Variants in BOC observed in about 807,000 individuals in gnomAD.
BOC encodes the protein BOC cell adhesion associated, oncogene regulated, also known as brother of CDO.
A neutral mutation model predicts 112.0 loss-of-function variants in BOC; 76 were observed. The observed-to-expected ratio is 0.68, with a 90% CI of 0.56 to 0.82. The LOEUF (loss-of-function observed/expected upper bound fraction) is 0.82. Ranked by LOEUF, BOC falls within the 40% of genes least tolerant of loss-of-function variation. BOC has a pLI of 0.00. For synonymous variants in BOC, 580 were observed against 599.8 expected (o/e 0.97, Z 0.48); for missense variants, 1,309 against 1,511.7 (o/e 0.87, Z 2.22).
chr3:113,240,186 G>A (rs545234280), intron 2 of BOC, among the ~76,000 whole-genome samples: 1 of 152,184 alleles, frequency 6.6e-6, no homozygotes, highest in Non-Finnish European at 1.5e-5. Flanking sequence ...GGAAACTAGA[G>A]ATTGATGATG....
At chr3:113,273,479 T>A in intron 8 of BOC, 138 bp downstream of exon 8, 1 of 954,640 alleles carries the variant, frequency 1.0e-6, no homozygotes, top group Non-Finnish European at 1.5e-6. Context: ...TATATGAACT[T>A]AATAAATCTG....
At chr3:113,223,594 C>T (rs140411522) in intron 2 of BOC, among the ~76,000 whole-genome samples, 3,949 of 152,254 alleles carry the variant, frequency 0.026, 82 homozygotes, top group Admixed American at 0.039. Context: ...ATCCCTTGTG[C>T]GCCACCTATT....
intron 5 of BOC, among the ~76,000 whole-genome samples, chr3:113,268,769 G>T (rs1408537507): frequency 6.6e-6 from 1 of 152,128 alleles, no homozygotes; most frequent in Non-Finnish European, 1.5e-5. Context: ...ACCATGCTTG[G>T]CTAACTTTAA....
At chr3:113,245,522 TA>T (rs1015928282) in intron 2 of BOC, among the ~76,000 whole-genome samples, 6 of 152,224 alleles carry the variant, frequency 3.9e-5, no homozygotes, top group African/African-American at 1.4e-4. Flanking sequence ...TTTCTTGAGA[TA>T]GGGGGCTGCC....
chr3:113,229,426 TTAGGGCCATCCTA>T (rs1405493157), intron 2 of BOC, among the ~76,000 whole-genome samples: 1 of 152,214 alleles, frequency 6.6e-6, no homozygotes, highest in African/African-American at 2.4e-5. Context: ...AGCATCTACC[TTAGGGCCATCCTA>T]TCCCTGCCCC....
At chr3:113,270,978 G>A in intron 6 of BOC, 34 bp downstream of exon 6, 1 of 1,613,522 alleles carries the variant, frequency 6.2e-7, no homozygotes, top group South Asian at 1.1e-5. Flanking sequence ...GGGGATGGGG[G>A]ATCACTGATG....
At chr3:113,218,016 A>G (rs1939798576) in intron 2 of BOC, among the ~76,000 whole-genome samples, 1 of 152,212 alleles carries the variant, frequency 6.6e-6, no homozygotes, top group African/African-American at 2.4e-5. Context: ...GTGGCTCTGA[A>G]ATCATTCCCA....
chr3:113,239,628 C>T (rs1944027261), intron 2 of BOC, among the ~76,000 whole-genome samples: 1 of 152,258 alleles, frequency 6.6e-6, no homozygotes, highest in Non-Finnish European at 1.5e-5. Flanking sequence ...TATATGCTTA[C>T]AGCCCACATG....
chr3:113,211,347 C>G (rs1196706360), upstream of BOC: 1 of 152,262 alleles, frequency 6.6e-6, no homozygotes, highest in Non-Finnish European at 1.5e-5. Flanking sequence ...GAGCGCGGGT[C>G]TGAGGCACAG....
intron 13 of BOC, among the ~76,000 whole-genome samples, 199 bp from the exon 14 acceptor site, chr3:113,280,359 C>A (rs1949077907): frequency 6.6e-6 from 1 of 152,100 alleles, no homozygotes; most frequent in African/African-American, 2.4e-5. Flanking sequence ...AGCTTAGGGA[C>A]CTCTAGGCTA....
At chr3:113,223,119 T>G (rs888554540) in intron 2 of BOC, among the ~76,000 whole-genome samples, 1 of 152,220 alleles carries the variant, frequency 6.6e-6, no homozygotes, top group African/African-American at 2.4e-5. Flanking sequence ...ATAAAGATCC[T>G]AAGAGGTCTT....
intron 2 of BOC, among the ~76,000 whole-genome samples, chr3:113,219,342 C>T (rs1940115869): frequency 6.6e-6 from 1 of 152,354 alleles, no homozygotes; most frequent in African/African-American, 2.4e-5. Context: ...GAGAATGTAA[C>T]TGCCATTTAA....
chr3:113,271,040 C>A, intron 6 of BOC, 96 bp downstream of exon 6: 2 of 1,551,028 alleles, frequency 1.3e-6, no homozygotes, highest in Non-Finnish European at 1.8e-6. Context: ...GTGCCACATC[C>A]AAGCTCCAGT....
At chr3:113,277,457 A>G (rs893963680) in intron 9 of BOC, among the ~76,000 whole-genome samples, 1 of 152,160 alleles carries the variant, frequency 6.6e-6, no homozygotes, top group Non-Finnish European at 1.5e-5. Context: ...TGCTCTTTGG[A>G]GTCAAGTCAC....
At chr3:113,261,608 G>T (rs543295290) in intron 4 of BOC, 10 of 152,078 alleles carry the variant, frequency 6.6e-5, no homozygotes, top group African/African-American at 2.4e-4. Flanking sequence ...CGCATTTCTC[G>T]TTCTCTTATG....
chr3:113,243,130 T>G (rs1052141137), intron 2 of BOC, among the ~76,000 whole-genome samples: 2 of 152,188 alleles, frequency 1.3e-5, no homozygotes, highest in African/African-American at 4.8e-5. Flanking sequence ...ATTTACAGAT[T>G]ATATTATTTA....
At chr3:113,213,720 C>G (rs550063100) in intron 1 of BOC, among the ~76,000 whole-genome samples, 2 of 152,170 alleles carry the variant, frequency 1.3e-5, no homozygotes, top group East Asian at 3.8e-4. Context: ...AGAAGCTTCT[C>G]GTGGTGATCT....
At chr3:113,262,143 G>GA (rs1162361583) in intron 4 of BOC, among the ~76,000 whole-genome samples, 1 of 152,116 alleles carries the variant, frequency 6.6e-6, no homozygotes, top group Non-Finnish European at 1.5e-5. Context: ...TGGACAGGCA[G>GA]AAAAAAATCC....
intron 4 of BOC, among the ~76,000 whole-genome samples, chr3:113,265,604 C>T (rs1287186477): frequency 2.0e-5 from 3 of 152,158 alleles, no homozygotes; most frequent in Admixed American, 6.5e-5. Flanking sequence ...ACAAAGTTAC[C>T]GATGTTTAGC....
Sources: gnomAD v4.1 joint callset for allele counts (sites outside exome capture counted in the v4.1 genomes callset) on GRCh38, gnomAD v4.1.1 for gene constraint, MANE v1.5 for transcripts, NCBI Gene and HGNC (gene_info 2026-07-23, HGNC 2026-07-21) for gene names.